Variants in NTRK2 observed in about 807,000 individuals in gnomAD.
NTRK2 encodes the protein neurotrophic receptor tyrosine kinase 2, also known as BDNF/NT-3 growth factors receptor.
In NTRK2, 13 loss-of-function variants were observed where a neutral mutation model predicts 94.5. That is an observed-to-expected ratio of 0.14 (90% confidence interval 0.09 to 0.22). The LOEUF (loss-of-function observed/expected upper bound fraction) is 0.22. NTRK2 is among the 10% of genes least tolerant of loss of function. The pLI is 1.00. For synonymous variants in NTRK2, 372 were observed against 407.4 expected (o/e 0.91, Z 1.05); for missense variants, 639 against 1,071.2 (o/e 0.60, Z 5.63).
At chr9:84,960,794 G>T (rs1217496530) in intron 17 of NTRK2, among the ~76,000 whole-genome samples, 1 of 152,160 alleles carries the variant, frequency 6.6e-6, no homozygotes, top group African/African-American at 2.4e-5. Context: ...TCATATCTAT[G>T]TCTCTCATTA....
At chr9:84,716,703 A>G (rs1316508197) in intron 6 of NTRK2, among the ~76,000 whole-genome samples, 1 of 152,166 alleles carries the variant, frequency 6.6e-6, no homozygotes, top group Non-Finnish European at 1.5e-5. Context: ...AATCAAGCAA[A>G]CCACACAGTG....
chr9:85,017,435 T>C (rs150772904), intron 17 of NTRK2, among the ~76,000 whole-genome samples: 1 of 152,310 alleles, frequency 6.6e-6, no homozygotes, highest in East Asian at 1.9e-4. Flanking sequence ...ATCCACTGCA[T>C]TGCAGCTGTG....
intron 12 of NTRK2, among the ~76,000 whole-genome samples, chr9:84,856,137 A>G (rs1481251253): frequency 1.3e-5 from 2 of 152,208 alleles, no homozygotes; most frequent in African/African-American, 2.4e-5. Flanking sequence ...TTACATTTTT[A>G]GAGACCAGTG....
At chr9:84,705,111 A>G (rs1320993043) in intron 4 of NTRK2, among the ~76,000 whole-genome samples, 1 of 152,074 alleles carries the variant, frequency 6.6e-6, no homozygotes, top group Non-Finnish European at 1.5e-5. Context: ...TTTCCCCAGC[A>G]ATATAAAAAT....
chr9:85,021,856 A>C lies in NTRK2; in HGVS notation c.*419A>C. 3.5e-6 allele frequency: 1 copy of C among 289,370 alleles called. No individual in the cohort carries two copies. 17.9% of individuals were successfully genotyped at this position (289,370 alleles called of 1,614,324 possible). A position where few individuals can be genotyped will look rare whatever the true frequency, so the allele number is the denominator to read the frequency against. On this transcript the variant is annotated 3_prime_UTR_variant, in exon 19 of 19. Transcript: ENST00000277120. ...TCCAGTTTGCCCACCACAACTAACA[A>C]TGCCTTGTTGTATTCCTGCCTTTGA...
chr9:84,746,810 T>C (rs2064122554), intron 11 of NTRK2, among the ~76,000 whole-genome samples: 3 of 152,196 alleles, frequency 2.0e-5, no homozygotes, highest in African/African-American at 7.2e-5. Context: ...CATGCAGCCA[T>C]TGCCCACTTC....
In NTRK2 at chr9:84,868,403, C is replaced by T. The variant is rs146765901; in HGVS notation, c.1633+972C>T. Among the ~76,000 whole-genome samples the T allele has an allele frequency of 5.6e-4, 85 of 152,270 alleles. 2 individuals carry two copies. The Middle Eastern group carries it at 0.017, about 30-fold the overall frequency. The stretch of plus-strand genomic sequence containing the variant: ...AGGGCCTTAGCAATGAGTATCAGAT[C>T]TGTGCATATATAAGGAAATATCTGT... On this transcript the variant is annotated intron_variant, in intron 14 of 18. Coordinates refer to ENST00000277120, the MANE Select transcript of NTRK2 (RefSeq NM_006180.6).
At chr9:84,870,636 G>T (rs1286753648) in intron 14 of NTRK2, among the ~76,000 whole-genome samples, 1 of 151,744 alleles carries the variant, frequency 6.6e-6, no homozygotes, top group Non-Finnish European at 1.5e-5. Context: ...GCAGGCATGA[G>T]CCCCATTGAA....
chr9:84,742,862 G>A (rs561463796), intron 10 of NTRK2, among the ~76,000 whole-genome samples: 13 of 134,930 alleles, frequency 9.6e-5, no homozygotes, highest in East Asian at 2.2e-4. Flanking sequence ...GTCCAGTGGC[G>A]CGATCTATGC....
At chr9:84,960,742 GA>G (rs1344781567) in intron 17 of NTRK2, among the ~76,000 whole-genome samples, 8 of 152,184 alleles carry the variant, frequency 5.3e-5, no homozygotes, top group African/African-American at 7.2e-5. Context: ...TCCATACAAA[GA>G]GGCATCACAG....
intron 12 of NTRK2, among the ~76,000 whole-genome samples, chr9:84,768,119 G>T (rs1009511757): frequency 3.3e-5 from 5 of 152,126 alleles, no homozygotes; most frequent in Non-Finnish European, 7.4e-5. Flanking sequence ...TCCCTCTCTA[G>T]CCAGAATCTT....
At chr9:84,799,124 G>A (rs992640823) in intron 12 of NTRK2, among the ~76,000 whole-genome samples, 3 of 151,918 alleles carry the variant, frequency 2.0e-5, no homozygotes, top group African/African-American at 7.3e-5. Flanking sequence ...CACAGTGGCT[G>A]TTCTCCATCT....
chr9:85,006,351 G>C (rs1040266002), intron 17 of NTRK2, among the ~76,000 whole-genome samples: 2 of 152,136 alleles, frequency 1.3e-5, no homozygotes, highest in African/African-American at 4.8e-5. Context: ...GGCTGGTTTG[G>C]GGAAGTTAGA....
intron 14 of NTRK2, among the ~76,000 whole-genome samples, chr9:84,923,258 C>G (rs76984176): frequency 0.053 from 8,009 of 152,242 alleles, 291 homozygotes; most frequent in Admixed American, 0.11. Context: ...AAAACTCCAG[C>G]CTGTTTTTGT....
intron 6 of NTRK2, among the ~76,000 whole-genome samples, chr9:84,712,971 A>G (rs559233406): frequency 6.6e-6 from 1 of 152,324 alleles, no homozygotes; most frequent in African/African-American, 2.4e-5. Context: ...TACAAGTGCA[A>G]AGTTTTTTCT....
intron 14 of NTRK2, among the ~76,000 whole-genome samples, chr9:84,911,263 A>G (rs1165520996): frequency 1.3e-5 from 2 of 152,030 alleles, no homozygotes; most frequent in Non-Finnish European, 2.9e-5. Flanking sequence ...TTTTTGTGTT[A>G]TGTTTTCTAA....
chr9:84,828,371 T>C (rs1259586544), intron 12 of NTRK2, among the ~76,000 whole-genome samples: 8 of 152,210 alleles, frequency 5.3e-5, no homozygotes, highest in Non-Finnish European at 1.2e-4. Flanking sequence ...ATTTATCTTT[T>C]AGAATTTATT....
At chr9:84,811,800 A>G (rs1370154802) in intron 12 of NTRK2, 1 of 1,065,384 alleles carries the variant, frequency 9.4e-7, no homozygotes, top group Non-Finnish European at 1.1e-6. Context: ...CCTGAGTCTG[A>G]CCCATGGACA....
intron 12 of NTRK2, among the ~76,000 whole-genome samples, chr9:84,755,262 C>T (rs754093847): frequency 4.6e-5 from 7 of 152,180 alleles, no homozygotes; most frequent in African/African-American, 1.2e-4. Flanking sequence ...TGATGGTCCA[C>T]TCCAGAACAG....
Sources: allele counts gnomAD v4.1 joint callset (sites outside exome capture counted in the v4.1 genomes callset), GRCh38; gene constraint gnomAD v4.1.1; transcripts MANE v1.5; gene names NCBI Gene and HGNC (gene_info 2026-07-23, HGNC 2026-07-21).